The following BCORL1 variants were observed in gnomAD, a reference collection of about 807,000 sequenced individuals.
BCORL1 encodes the protein BCL-6 corepressor-like protein 1.
Under a neutral mutation model 87.6 loss-of-function variants are expected in BCORL1, and 7 were observed. That is an observed-to-expected ratio of 0.08 (90% CI 0.05 to 0.15). BCORL1 has a LOEUF of 0.15. BCORL1 is among the 10% of genes least tolerant of loss of function. BCORL1 has a pLI of 1.00. For missense variants in BCORL1, 1,215 were observed against 1,499.7 expected (o/e 0.81, Z 3.13); for synonymous variants, 591 against 634.4 (o/e 0.93, Z 1.03).
In BCORL1 at chrX:130,057,402, C is replaced by T. The variant is rs1483534837; in HGVS notation, c.*1266C>T. On this transcript the variant is annotated 3_prime_UTR_variant, in exon 14 of 14. Transcript: ENST00000540052. Reference sequence around the variant, plus strand: ...TCTGGGCCTCCAGCGCTGGGTTTGTCGAGTGAGAGAGAGAGAGGAGCTTGG... The same window carrying T: ...TCTGGGCCTCCAGCGCTGGGTTTGTTGAGTGAGAGAGAGAGAGGAGCTTGG... The T allele has an allele frequency of 8.9e-6, 1 of 111,837 alleles. No homozygotes were observed. The highest frequency in any genetic ancestry group is 1.9e-5 in the Non-Finnish European group (1 of 53,114). The allele number at this position is 111,837 out of a possible 1,213,427, so 9.2% of individuals were successfully genotyped here.
At chrX:130,012,527 G>A in intron 2 of BCORL1, 51 bp from the exon 3 acceptor site, 1 of 1,095,761 alleles carries the variant, frequency 9.1e-7, no homozygotes, top group South Asian at 1.9e-5. Flanking sequence ...GGTGGTGTTG[G>A]CTCAAATCCT....
chrX:130,038,898 TAA>T (rs947696034), intron 10 of BCORL1, among the ~76,000 whole-genome samples: 1 of 110,873 alleles, frequency 9.0e-6, no homozygotes, highest in Non-Finnish European at 1.9e-5. Flanking sequence ...CAGGGGAACG[TAA>T]GAGAGAGAGA....
chrX:130,037,344 T>C, intron 9 of BCORL1, 23 bp from the exon 10 acceptor site: 2 of 1,205,422 alleles, frequency 1.7e-6, no homozygotes, highest in Non-Finnish European at 2.2e-6. Context: ...TCTTTGCTCA[T>C]GGAGTTGTCC....
At chrX:130,004,015 T>C (rs991424052) in intron 1 of BCORL1, among the ~76,000 whole-genome samples, 4 of 111,933 alleles carry the variant, frequency 3.6e-5, no homozygotes, top group Admixed American at 9.6e-5. Context: ...TTCTGTTCAG[T>C]TGAACTTCAA....
In BCORL1 at chrX:129,998,590, G is replaced by GTT. The variant is rs1470104613; in HGVS notation, c.-44-6597_-44-6596insTT. Among the ~76,000 whole-genome samples, 4 of 112,220 alleles carry GTT rather than the reference G, an allele frequency of 3.6e-5. No homozygotes were observed. The East Asian group carries it at 1.1e-3, about 31-fold the overall frequency. ...CTCCAGGACTGAGACCTAGGAATCT[G>GTT]TATTTTGAACAAGCTCCTCGGTGAT... On this transcript the variant is annotated intron_variant, in intron 1 of 13. Coordinates refer to ENST00000540052, the MANE Select transcript of BCORL1 (RefSeq NM_001379451.1).
At position 130,056,336 on chromosome X, in the gene BCORL1, G is replaced by A. The variant is rs182774280; in HGVS notation, c.*200G>A. ...AATTAGTTCTCATCTCCCTGTCGTC[G>A]TCATTGTTATCGTGGTTGCTGATGG... On this transcript the variant is annotated 3_prime_UTR_variant, in exon 14 of 14. Coordinates refer to ENST00000540052, the MANE Select transcript of BCORL1 (RefSeq NM_001379451.1). The A allele has an allele frequency of 6.4e-5, 25 of 391,369 alleles. No homozygotes were observed. The East Asian group carries it at 7.1e-4, about 11-fold the overall frequency. 32.3% of individuals were successfully genotyped at this position (391,369 alleles called of 1,213,427 possible). A position where few individuals can be genotyped will look rare whatever the true frequency, so the allele number is the denominator to read the frequency against.
intron 1 of BCORL1, among the ~76,000 whole-genome samples, chrX:129,983,067 A>G (rs942298617): frequency 1.4e-4 from 15 of 109,834 alleles, no homozygotes; most frequent in Non-Finnish European, 2.9e-4. Flanking sequence ...CCCCGGACGT[A>G]GCGCTCCCTG....
chrX:130,025,361 C>A lies in BCORL1; in HGVS notation c.4060C>A (p.Arg1354=). The A allele has an allele frequency of 8.7e-7, 1 of 1,149,900 alleles. No homozygotes were observed. Among genetic ancestry groups the A allele is most frequent in the Non-Finnish European group, 1.2e-6 (1 of 866,504 alleles). 94.8% of individuals were successfully genotyped at this position (1,149,900 alleles called of 1,213,427 possible). A position where few individuals can be genotyped will look rare whatever the true frequency, so the allele number is the denominator to read the frequency against. Residue 1354 remains arginine, a synonymous_variant, in exon 7 of 14, where the codon CGG becomes AGG. Coordinates refer to ENST00000540052, the MANE Select transcript of BCORL1 (RefSeq NM_001379451.1). ...CCTGACAGAGCAAGAAGACGAGCAG[C>A]GGCGGAAAGGGAGAGCAGGTAAGGC... ...EYLTEQEDEQ[R]RKGRADLKAR...
intron 13 of BCORL1, 50 bp downstream of exon 13, chrX:130,052,066 C>T: frequency 9.1e-7 from 1 of 1,103,657 alleles, no homozygotes; most frequent in Admixed American, 2.8e-5. Flanking sequence ...TCCTGGCACT[C>T]AGTAGGAAGG....
chrX:130,006,477 C>T (rs1247976451), intron 2 of BCORL1, among the ~76,000 whole-genome samples: 7 of 108,615 alleles, frequency 6.4e-5, no homozygotes, highest in Non-Finnish European at 1.1e-4. Context: ...TCTCCTGCCT[C>T]AGCCTCCCGA....
chrX:130,044,923 A>T (rs1176875420), intron 11 of BCORL1, among the ~76,000 whole-genome samples: 2 of 112,706 alleles, frequency 1.8e-5, no homozygotes, highest in Admixed American at 1.9e-4. Flanking sequence ...AGATTTTCTT[A>T]TATTGGGTTG....
chrX:130,026,199 A>G (rs890582962), intron 7 of BCORL1, among the ~76,000 whole-genome samples: 2 of 112,235 alleles, frequency 1.8e-5, no homozygotes, highest in African/African-American at 6.5e-5. Flanking sequence ...CTACCCTGGA[A>G]GCAGCAATTG....
At chrX:129,986,006 C>T (rs762102222) in intron 1 of BCORL1, among the ~76,000 whole-genome samples, 5 of 110,966 alleles carry the variant, frequency 4.5e-5, no homozygotes, top group East Asian at 2.8e-4. Flanking sequence ...CCCGCCACCA[C>T]GCCTGGCTAA....
At position 130,015,619 on chromosome X, in the gene BCORL1, G is replaced by A. The variant is rs1929359483; in HGVS notation, c.2847G>A (p.Gly949=). ...GTGGGGACATTCGAATGAATCAGGGGCCTGAGGAATCAGAGAGCCACCTCT... is the reference window on the plus strand; with the variant it reads ...GTGGGGACATTCGAATGAATCAGGGACCTGAGGAATCAGAGAGCCACCTCT... ...PSGGDIRMNQ[G]PEESESHLCS... is the part of the protein sequence containing the mutation. Residue 949 remains glycine (G), a synonymous_variant, in exon 4 of 14, where the codon GGG becomes GGA. Transcript: ENST00000540052. The A allele has an allele frequency of 1.2e-5, 14 of 1,210,599 alleles. No homozygotes were observed. The highest frequency in any genetic ancestry group is 2.3e-4 in the Middle Eastern group (1 of 4,376).
chrX:130,012,897 T>C, intron 3 of BCORL1, 53 bp from the exon 4 acceptor site: 1 of 1,163,681 alleles, frequency 8.6e-7, no homozygotes, highest in Non-Finnish European at 1.2e-6. Flanking sequence ...TCAGGACACT[T>C]GCACCATCTG....
chrX:130,023,218 C>T (rs1457332609), intron 6 of BCORL1, among the ~76,000 whole-genome samples: 1 of 111,826 alleles, frequency 8.9e-6, no homozygotes, highest in Non-Finnish European at 1.9e-5. Context: ...AGGGATTTGA[C>T]ATCTCTTGTT....
intron 11 of BCORL1, among the ~76,000 whole-genome samples, chrX:130,041,622 T>G (rs1040072333): frequency 2.7e-5 from 3 of 112,074 alleles, no homozygotes; most frequent in African/African-American, 9.7e-5. Context: ...GTTGCAGAAT[T>G]CAGAGAAGAC....
intron 11 of BCORL1, among the ~76,000 whole-genome samples, chrX:130,047,112 C>T (rs1234796267): frequency 9.0e-6 from 1 of 111,601 alleles, no homozygotes; most frequent in African/African-American, 3.3e-5. Flanking sequence ...CTAATATTCT[C>T]TTATGTGGAT....
intron 7 of BCORL1, among the ~76,000 whole-genome samples, chrX:130,027,522 G>C (rs1187099962): frequency 8.9e-6 from 1 of 112,378 alleles, no homozygotes; most frequent in African/African-American, 3.2e-5. Context: ...GGTTGAGAGA[G>C]GCGAGTTGAG....
Sources: gnomAD v4.1 joint callset for allele counts (sites outside exome capture counted in the v4.1 genomes callset) on GRCh38, gnomAD v4.1.1 for gene constraint, MANE v1.5 for transcripts, NCBI Gene and HGNC (gene_info 2026-07-23, HGNC 2026-07-21) for gene names.